The following MCU variants were observed in gnomAD, a reference collection of about 807,000 sequenced individuals.
The protein encoded by MCU is calcium uniporter protein, mitochondrial.
Under a neutral mutation model 45.2 loss-of-function variants are expected in MCU, and 12 were observed. The observed-to-expected ratio is 0.27, with a 90% confidence interval of 0.17 to 0.43. The LOEUF (loss-of-function observed/expected upper bound fraction) is 0.43. Ranked by LOEUF, MCU falls within the 20% of genes least tolerant of loss-of-function variation. The pLI, the probability that MCU is intolerant of heterozygous loss-of-function variation, is 1.00. For missense variants in MCU, 324 were observed against 436.7 expected (o/e 0.74, Z 2.30); for synonymous variants, 160 against 165.1 (o/e 0.97, Z 0.24).
intron 1 of MCU, among the ~76,000 whole-genome samples, chr10:72,806,452 G>A (rs553630894): frequency 1.3e-5 from 2 of 152,218 alleles, no homozygotes; most frequent in Non-Finnish European, 2.9e-5. Context: ...GAGCCACCGC[G>A]CCCGGCATGA....
At chr10:72,874,444 A>C (rs1480307630) in intron 6 of MCU, among the ~76,000 whole-genome samples, 1 of 152,224 alleles carries the variant, frequency 6.6e-6, no homozygotes, top group East Asian at 1.9e-4. Context: ...TTATCAGAAG[A>C]AAGCTGAGAG....
chr10:72,796,155 C>T (rs779169534), intron 1 of MCU, among the ~76,000 whole-genome samples: 36 of 151,990 alleles, frequency 2.4e-4, no homozygotes, highest in Non-Finnish European at 3.8e-4. Context: ...ACCTTTAAAA[C>T]GGTCCAATTG....
chr10:72,808,519 G>A (rs764604604), intron 1 of MCU, among the ~76,000 whole-genome samples: 6 of 152,188 alleles, frequency 3.9e-5, no homozygotes, highest in Non-Finnish European at 8.8e-5. Flanking sequence ...ATTTTTAAAG[G>A]TCATCTTGTA....
At chr10:72,826,072 G>A (rs1844793974) in intron 1 of MCU, among the ~76,000 whole-genome samples, 2 of 147,224 alleles carry the variant, frequency 1.4e-5, no homozygotes, top group South Asian at 2.2e-4. Context: ...GAACTTATTT[G>A]CGTGAACTAT....
intron 1 of MCU, among the ~76,000 whole-genome samples, chr10:72,759,246 C>T (rs1368516477): frequency 1.3e-5 from 2 of 152,010 alleles, no homozygotes; most frequent in African/African-American, 2.4e-5. Flanking sequence ...TAAGGGGGTG[C>T]GTGTGAGAGG....
At chr10:72,746,181 T>TA (rs1281434008) in intron 1 of MCU, among the ~76,000 whole-genome samples, 3 of 152,182 alleles carry the variant, frequency 2.0e-5, no homozygotes, top group Non-Finnish European at 4.4e-5. Context: ...AAACTATAGT[T>TA]ATAGTATTCG....
intron 1 of MCU, among the ~76,000 whole-genome samples, chr10:72,784,673 C>T (rs1844045576): frequency 6.6e-6 from 1 of 152,102 alleles, no homozygotes; most frequent in Admixed American, 6.5e-5. Context: ...GGAACAGTCT[C>T]CTCATTTTCA....
intron 2 of MCU, among the ~76,000 whole-genome samples, chr10:72,847,341 A>G (rs1589493782): frequency 6.6e-6 from 1 of 152,234 alleles, no homozygotes; most frequent in Non-Finnish European, 1.5e-5. Context: ...CTCATAGGCC[A>G]CTCGTGTCAA....
intron 4 of MCU, among the ~76,000 whole-genome samples, chr10:72,862,918 G>GA (rs1225961949): frequency 0.014 from 1,868 of 133,192 alleles, 30 homozygotes; most frequent in African/African-American, 0.041. Flanking sequence ...TAAAAAAAAA[G>GA]AAAAAAAAAA....
intron 1 of MCU, among the ~76,000 whole-genome samples, chr10:72,816,825 C>T (rs1844634696): frequency 6.6e-6 from 1 of 152,160 alleles, no homozygotes; most frequent in African/African-American, 2.4e-5. Flanking sequence ...AAAGAATCTT[C>T]TGGACAGCCA....
chr10:72,759,047 C>A (rs1843617216), intron 1 of MCU, among the ~76,000 whole-genome samples: 1 of 152,134 alleles, frequency 6.6e-6, no homozygotes, highest in Non-Finnish European at 1.5e-5. Flanking sequence ...TATGTCTGTT[C>A]CGCAAGTCTG....
chr10:72,778,968 T>C (rs1234238760), intron 1 of MCU, among the ~76,000 whole-genome samples: 1 of 152,052 alleles, frequency 6.6e-6, no homozygotes, highest in Non-Finnish European at 1.5e-5. Context: ...CAGAAGTATA[T>C]TTTCTTTTTC....
chr10:72,785,658 A>G (rs1302433290), intron 1 of MCU, among the ~76,000 whole-genome samples: 1 of 152,194 alleles, frequency 6.6e-6, no homozygotes, highest in South Asian at 2.1e-4. Context: ...GGCTCATTTC[A>G]TGGAAATAAA....
chr10:72,829,342 A>G (rs1212823646), intron 1 of MCU, among the ~76,000 whole-genome samples: 1 of 140,602 alleles, frequency 7.1e-6, no homozygotes, highest in African/African-American at 2.7e-5. Context: ...AAAAAAAAAA[A>G]GTTCCTAGAG....
At chr10:72,728,415 G>A (rs571036779) in intron 1 of MCU, among the ~76,000 whole-genome samples, 1 of 152,198 alleles carries the variant, frequency 6.6e-6, no homozygotes, top group Admixed American at 6.5e-5. Flanking sequence ...ATTTGATACA[G>A]TGGAGTGATT....
chr10:72,868,649 G>A, intron 4 of MCU, 54 bp from the exon 5 acceptor site: 1 of 1,535,600 alleles, frequency 6.5e-7, no homozygotes, highest in Non-Finnish European at 9.0e-7. Context: ...ATAGTCCCAG[G>A]AATAGCAATC....
chr10:72,870,704 C>T (rs1845529626), intron 5 of MCU, among the ~76,000 whole-genome samples: 1 of 152,154 alleles, frequency 6.6e-6, no homozygotes. Context: ...CCCTAGTATA[C>T]CACTGGAGTT....
chr10:72,705,544 T>C (rs1204854022), intron 1 of MCU, among the ~76,000 whole-genome samples: 2 of 149,876 alleles, frequency 1.3e-5, no homozygotes, highest in African/African-American at 4.9e-5. Context: ...AAGACTGGGC[T>C]CAGTGGCTCA....
chr10:72,700,853 G>A (rs903461498), intron 1 of MCU, among the ~76,000 whole-genome samples: 2 of 152,062 alleles, frequency 1.3e-5, no homozygotes, highest in Non-Finnish European at 2.9e-5. Context: ...CAGTTTTTAT[G>A]TATTTTTTCT....
Sources: allele counts gnomAD v4.1 joint callset (sites outside exome capture counted in the v4.1 genomes callset), GRCh38; gene constraint gnomAD v4.1.1; transcripts MANE v1.5; gene names NCBI Gene and HGNC (gene_info 2026-07-23, HGNC 2026-07-21).